ERBB4: variants seen among roughly 807,000 people sequenced by gnomAD.
ERBB4 encodes erb-b2 receptor tyrosine kinase 4.
ERBB4 carries 42 observed loss-of-function variants against 158.0 expected under a neutral mutation model. That is an observed-to-expected ratio of 0.27 (90% confidence interval 0.21 to 0.34). The LOEUF (loss-of-function observed/expected upper bound fraction) is 0.34, where lower values mean the gene tolerates loss of function less well. Ranked by LOEUF, ERBB4 falls within the 10% of genes least tolerant of loss-of-function variation. The pLI, the probability that ERBB4 is intolerant of heterozygous loss-of-function variation, is 1.00. For synonymous variants in ERBB4, 583 were observed against 558.7 expected, an observed-to-expected ratio of 1.04 and a Z score of -0.61; for missense variants, 1,333 against 1,624.1, an observed-to-expected ratio of 0.82 and a Z score of 3.08.
chr2:211,422,145 T>C (rs2125407217), intron 23 of ERBB4, 41 bp from the exon 24 acceptor site: 1 of 1,258,956 alleles, frequency 7.9e-7, no homozygotes, highest in Non-Finnish European at 1.2e-6. Flanking sequence ...TATTCGTAAC[T>C]AGAAAGGAGT....
intron 2 of ERBB4, among the ~76,000 whole-genome samples, chr2:212,026,414 A>G (rs1418121697): frequency 5.9e-5 from 9 of 151,840 alleles, no homozygotes; most frequent in Admixed American, 2.6e-4. Context: ...TGTAGATACC[A>G]GAACCTCTAT....
chr2:212,522,558 T>G (rs1692230002), intron 1 of ERBB4, among the ~76,000 whole-genome samples: 1 of 151,932 alleles, frequency 6.6e-6, no homozygotes, highest in Admixed American at 6.6e-5. Context: ...TAGAATAATC[T>G]ACGCAGAGGT....
At chr2:211,857,904 T>A (rs2077912312) in intron 3 of ERBB4, among the ~76,000 whole-genome samples, 1 of 152,174 alleles carries the variant, frequency 6.6e-6, no homozygotes, top group Admixed American at 6.5e-5. Flanking sequence ...GGTAAGGATC[T>A]CACAACAATA....
intron 1 of ERBB4, among the ~76,000 whole-genome samples, chr2:212,337,914 A>C (rs2088521634): frequency 6.6e-6 from 1 of 152,046 alleles, no homozygotes; most frequent in African/African-American, 2.4e-5. Context: ...GAAGGAACTT[A>C]ACTCATAAAT....
At chr2:212,418,556 T>C (rs943881983) in intron 1 of ERBB4, among the ~76,000 whole-genome samples, 2 of 150,910 alleles carry the variant, frequency 1.3e-5, no homozygotes, top group African/African-American at 4.8e-5. Flanking sequence ...TATATGTATA[T>C]TTGAAGTCCA....
chr2:211,516,189 T>C (rs2066026722), intron 20 of ERBB4, among the ~76,000 whole-genome samples: 1 of 151,774 alleles, frequency 6.6e-6, no homozygotes, highest in Non-Finnish European at 1.5e-5. Flanking sequence ...GTGCTGGGAT[T>C]ACAAGCGTGA....
chr2:211,658,514 T>C (rs561514838), intron 15 of ERBB4, among the ~76,000 whole-genome samples: 1 of 152,322 alleles, frequency 6.6e-6, no homozygotes, highest in African/African-American at 2.4e-5. Context: ...ATACTTTACA[T>C]AATCACATTA....
chr2:211,799,480 G>T (rs189289970), intron 3 of ERBB4, among the ~76,000 whole-genome samples: 3 of 152,150 alleles, frequency 2.0e-5, no homozygotes, highest in Non-Finnish European at 4.4e-5. Flanking sequence ...ATGCCAGATG[G>T]TTTAGTCCAC....
chr2:212,410,383 T>C (rs746668608), intron 1 of ERBB4, among the ~76,000 whole-genome samples: 1 of 152,022 alleles, frequency 6.6e-6, no homozygotes, highest in Non-Finnish European at 1.5e-5. Flanking sequence ...GAAACTATCA[T>C]TCTGAAGACA....
At chr2:211,459,048 T>C (rs1196216115) in intron 20 of ERBB4, among the ~76,000 whole-genome samples, 2 of 152,206 alleles carry the variant, frequency 1.3e-5, no homozygotes, top group African/African-American at 4.8e-5. Flanking sequence ...GCTTGTCTCA[T>C]AAAAGCAAAA....
At chr2:212,465,450 T>C (rs1315953925) in intron 1 of ERBB4, among the ~76,000 whole-genome samples, 2 of 152,196 alleles carry the variant, frequency 1.3e-5, no homozygotes, top group African/African-American at 4.8e-5. Flanking sequence ...TGATAATCTA[T>C]ATTTTCATAT....
chr2:211,403,668 G>T (rs1574421072), intron 25 of ERBB4, among the ~76,000 whole-genome samples: 1 of 152,226 alleles, frequency 6.6e-6, no homozygotes, highest in East Asian at 1.9e-4. Context: ...ACTGTGAAAA[G>T]CTCTCAATGC....
chr2:211,606,133 T>C (rs557134450), intron 19 of ERBB4, among the ~76,000 whole-genome samples: 1 of 152,114 alleles, frequency 6.6e-6, no homozygotes, highest in Non-Finnish European at 1.5e-5. Flanking sequence ...AGAATGATAA[T>C]CTAATGTAAC....
intron 1 of ERBB4, among the ~76,000 whole-genome samples, chr2:212,389,963 G>C (rs1359667219): frequency 6.6e-6 from 1 of 151,616 alleles, no homozygotes; most frequent in Non-Finnish European, 1.5e-5. Context: ...ACTCTGCTGT[G>C]CTCTCTAGAA....
At position 211,466,280 on chromosome 2, in the gene ERBB4, A is replaced by C. The variant is rs533803643; in HGVS notation, c.2488-35180T>G. On this transcript the variant is annotated intron_variant, in intron 20 of 27. Coordinates refer to ENST00000342788, the MANE Select transcript of ERBB4 (RefSeq NM_005235.3). Reference sequence around the variant, plus strand: ...GTTGGGAAGCTTTTCAATGTAAGGTAAAAGGTGTCTTCCTACTACCAGTAA... The same window carrying C: ...GTTGGGAAGCTTTTCAATGTAAGGTCAAAGGTGTCTTCCTACTACCAGTAA... Among the ~76,000 whole-genome samples the C allele has an allele frequency of 7.2e-4, 110 of 151,878 alleles. 1 individual carries two copies. Among genetic ancestry groups the C allele is most frequent in the African/African-American group, 2.6e-3 (106 of 41,410 alleles).
chr2:211,612,637 A>C (rs1361034321), intron 19 of ERBB4, among the ~76,000 whole-genome samples: 1 of 152,044 alleles, frequency 6.6e-6, no homozygotes, highest in Non-Finnish European at 1.5e-5. Context: ...GACTATTGGA[A>C]AAGAAATCAG....
At chr2:212,296,311 T>C (rs1334088644) in intron 1 of ERBB4, among the ~76,000 whole-genome samples, 3 of 151,670 alleles carry the variant, frequency 2.0e-5, no homozygotes, top group Non-Finnish European at 4.4e-5. Flanking sequence ...TGGGATAATA[T>C]AGGAGAATTA....
At chr2:211,882,785 A>T (rs1004414535) in intron 3 of ERBB4, among the ~76,000 whole-genome samples, 5 of 152,240 alleles carry the variant, frequency 3.3e-5, no homozygotes, top group African/African-American at 4.8e-5. Flanking sequence ...CTGTGGTACC[A>T]GTTCTAACAA....
chr2:212,104,418 T>C (rs1182594298), intron 2 of ERBB4, among the ~76,000 whole-genome samples: 4 of 152,204 alleles, frequency 2.6e-5, no homozygotes, highest in African/African-American at 9.6e-5. Flanking sequence ...AAAATTTAAA[T>C]TAAATTAGAA....
Sources: allele counts gnomAD v4.1 joint callset (sites outside exome capture counted in the v4.1 genomes callset), GRCh38; gene constraint gnomAD v4.1.1; transcripts MANE v1.5; gene names NCBI Gene and HGNC (gene_info 2026-07-23, HGNC 2026-07-21).